WWOX: variants seen among roughly 807,000 people sequenced by gnomAD.
The protein encoded by WWOX is WW domain containing oxidoreductase, also known as WW domain-containing oxidoreductase.
Under a neutral mutation model 46.2 loss-of-function variants are expected in WWOX, and 69 were observed. The ratio of observed to expected loss-of-function variants is 1.49; its 90% CI spans 1.23 to 1.82. WWOX has a LOEUF of 1.82. Ranked by LOEUF, WWOX falls within the 40% of genes most tolerant of loss-of-function variation. WWOX has a pLI of 0.00. For synonymous variants in WWOX, 359 were observed against 202.6 expected, an observed-to-expected ratio of 1.77 and a Z score of -6.56; for missense variants, 919 against 542.6, an observed-to-expected ratio of 1.69 and a Z score of -6.89.
chr16:78,968,261 G>C (rs183906034), intron 8 of WWOX, among the ~76,000 whole-genome samples: 26 of 152,356 alleles, frequency 1.7e-4, no homozygotes, highest in Admixed American at 1.6e-3. Flanking sequence ...GCGATTTCCA[G>C]ACTATCCAGA....
chr16:78,892,556 G>T (rs950839907), intron 8 of WWOX, among the ~76,000 whole-genome samples: 1 of 152,194 alleles, frequency 6.6e-6, no homozygotes, highest in Admixed American at 6.5e-5. Flanking sequence ...TGTTCAGAGC[G>T]TTCTTCCTCC....
At chr16:79,150,264 G>T (rs1445334077) in intron 8 of WWOX, among the ~76,000 whole-genome samples, 1 of 152,176 alleles carries the variant, frequency 6.6e-6, no homozygotes, top group Non-Finnish European at 1.5e-5. Flanking sequence ...TGTACTCAAT[G>T]CCTTAATTTT....
chr16:78,352,418 A>G (rs1385271221), intron 5 of WWOX, among the ~76,000 whole-genome samples: 3 of 152,226 alleles, frequency 2.0e-5, no homozygotes, highest in African/African-American at 7.2e-5. Flanking sequence ...GTTCTAGAAG[A>G]GAACCCACTT....
chr16:78,633,871 G>C (rs186950296), intron 8 of WWOX, among the ~76,000 whole-genome samples: 39 of 152,098 alleles, frequency 2.6e-4, no homozygotes, highest in African/African-American at 9.2e-4. Flanking sequence ...TCACCTACGG[G>C]AGCAGGGGAG....
intron 8 of WWOX, among the ~76,000 whole-genome samples, chr16:78,477,479 C>T (rs1162944276): frequency 6.6e-6 from 1 of 152,122 alleles, no homozygotes; most frequent in Non-Finnish European, 1.5e-5. Flanking sequence ...TATTAAACCT[C>T]ACCTCTGGGC....
At chr16:78,440,043 G>T (rs12445203) in intron 8 of WWOX, among the ~76,000 whole-genome samples, 6,087 of 152,260 alleles carry the variant, frequency 0.04, 183 homozygotes, top group Admixed American at 0.076. Flanking sequence ...AGTTATAAAG[G>T]AGACTAGAAA....
At chr16:79,129,361 C>G (rs999052295) in intron 8 of WWOX, among the ~76,000 whole-genome samples, 1 of 148,422 alleles carries the variant, frequency 6.7e-6, no homozygotes, top group Non-Finnish European at 1.5e-5. Context: ...CTCTCAGTGC[C>G]TTAAAATTTG....
chr16:78,891,462 A>T (rs2044588745), intron 8 of WWOX: 1 of 152,222 alleles, frequency 6.6e-6, no homozygotes, highest in Non-Finnish European at 1.5e-5. Context: ...GGACCTGTAG[A>T]AGTGACTGGA....
At chr16:78,998,561 G>T (rs995081785) in intron 8 of WWOX, among the ~76,000 whole-genome samples, 32 of 152,192 alleles carry the variant, frequency 2.1e-4, no homozygotes, top group South Asian at 2.1e-4. Flanking sequence ...TGATCTGGGA[G>T]CTGTTAGAGG....
At chr16:79,108,772 G>A (rs1245663572) in intron 8 of WWOX, among the ~76,000 whole-genome samples, 2 of 152,026 alleles carry the variant, frequency 1.3e-5, no homozygotes, top group African/African-American at 2.4e-5. Flanking sequence ...GTAGTGGCGT[G>A]TGCCTGTAAT....
intron 8 of WWOX, among the ~76,000 whole-genome samples, chr16:78,914,359 T>G (rs1206385445): frequency 6.6e-6 from 1 of 152,046 alleles, no homozygotes; most frequent in Non-Finnish European, 1.5e-5. Context: ...GTACCTGGCA[T>G]ATAGGATGAG....
chr16:78,633,276 C>G (rs1287985615), intron 8 of WWOX, among the ~76,000 whole-genome samples: 2 of 151,950 alleles, frequency 1.3e-5, no homozygotes, highest in East Asian at 1.9e-4. Context: ...CAAAACAAAA[C>G]AAAAAAACAA....
At chr16:79,065,618 A>G (rs1312631784) in intron 8 of WWOX, among the ~76,000 whole-genome samples, 1 of 152,208 alleles carries the variant, frequency 6.6e-6, no homozygotes, top group East Asian at 1.9e-4. Context: ...GAAGTTCCAA[A>G]TCTTGTGACC....
At chr16:79,048,519 A>T (rs534656559) in intron 8 of WWOX, among the ~76,000 whole-genome samples, 7 of 152,174 alleles carry the variant, frequency 4.6e-5, no homozygotes, top group Non-Finnish European at 8.8e-5. Context: ...GTAATCATAT[A>T]TATATATAAA....
intron 8 of WWOX, among the ~76,000 whole-genome samples, chr16:78,852,568 C>A (rs1302143522): frequency 2.0e-5 from 3 of 152,152 alleles, no homozygotes; most frequent in African/African-American, 7.2e-5. Flanking sequence ...ACCATCTTGA[C>A]TTAGGAGACA....
At chr16:79,141,089 C>A (rs946908605) in intron 8 of WWOX, among the ~76,000 whole-genome samples, 1 of 152,208 alleles carries the variant, frequency 6.6e-6, no homozygotes, top group Non-Finnish European at 1.5e-5. Flanking sequence ...TAGGGCCAAC[C>A]TGCCTCCCAT....
At chr16:78,539,997 TTC>T (rs536466074) in intron 8 of WWOX, among the ~76,000 whole-genome samples, 15,704 of 132,520 alleles carry the variant, frequency 0.12, 1,109 homozygotes, top group African/African-American at 0.2. Context: ...CTCTCTCTCT[TTC>T]TCTCTCTCTC....
At chr16:78,422,501 C>G (rs117510357) in intron 6 of WWOX, among the ~76,000 whole-genome samples, 32 of 150,432 alleles carry the variant, frequency 2.1e-4, no homozygotes, top group African/African-American at 7.8e-4. Context: ...CACACCACCA[C>G]ACCTGGCTCA....
intron 8 of WWOX, among the ~76,000 whole-genome samples, chr16:79,187,729 A>T (rs541127549): frequency 2.6e-5 from 4 of 152,080 alleles, no homozygotes; most frequent in African/African-American, 9.6e-5. Flanking sequence ...TTTAGTAGAG[A>T]TGGGGTTTCA....
Sources: allele counts gnomAD v4.1 joint callset (sites outside exome capture counted in the v4.1 genomes callset), GRCh38; gene constraint gnomAD v4.1.1; transcripts MANE v1.5; gene names NCBI Gene and HGNC (gene_info 2026-07-23, HGNC 2026-07-21).